AR: variants seen among roughly 807,000 people sequenced by gnomAD.
AR encodes androgen receptor, also known as dihydrotestosterone receptor.
Under a neutral mutation model 53.9 loss-of-function variants are expected in AR, and 8 were observed. The ratio of observed to expected loss-of-function variants is 0.15; its 90% CI spans 0.09 to 0.27. The LOEUF (loss-of-function observed/expected upper bound fraction) is 0.27, where lower values mean the gene tolerates loss of function less well. AR is among the 10% of genes least tolerant of loss of function. The pLI, the probability that AR is intolerant of heterozygous loss-of-function variation, is 1.00. For synonymous variants in AR, 359 were observed against 316.4 expected (o/e 1.13, Z -1.43); for missense variants, 639 against 742.5 (o/e 0.86, Z 1.62).
chrX:67,563,910 G>A (rs751363177), intron 1 of AR, among the ~76,000 whole-genome samples: 47 of 111,367 alleles, frequency 4.2e-4, no homozygotes, highest in African/African-American at 1.4e-3. Context: ...TAGTAACTCC[G>A]TTGCACATAT....
At chrX:67,669,023 T>C (rs1288188713) in intron 2 of AR, among the ~76,000 whole-genome samples, 1 of 111,804 alleles carries the variant, frequency 8.9e-6, no homozygotes, top group Non-Finnish European at 1.9e-5. Flanking sequence ...TGATCTTTTG[T>C]ATTATTTTTT....
chrX:67,707,425 G>A (rs917144033), intron 3 of AR, among the ~76,000 whole-genome samples: 2 of 111,400 alleles, frequency 1.8e-5, no homozygotes, highest in African/African-American at 6.5e-5. Context: ...ATCTTTGTTG[G>A]TTTAAAGTCT....
chrX:67,664,611 C>T (rs899449611), intron 2 of AR, among the ~76,000 whole-genome samples: 1 of 112,198 alleles, frequency 8.9e-6, no homozygotes, highest in African/African-American at 3.2e-5. Flanking sequence ...TCTCCAGCTG[C>T]ATACTGGGAG....
chrX:67,578,086 C>T (rs1364653113), intron 1 of AR, among the ~76,000 whole-genome samples: 1 of 111,506 alleles, frequency 9.0e-6, no homozygotes, highest in Non-Finnish European at 1.9e-5. Context: ...CCAAACTTAT[C>T]TGGGACAAGG....
At position 67,728,574 on chromosome X, in the gene AR, A is replaced by AAAATATAT. The variant is rs1468310714; in HGVS notation, c.*4734_*4735insAATATATA. 1 of 29,775 alleles carries AAAATATAT rather than the reference A, an allele frequency of 3.4e-5. No individual in the cohort carries two copies. The highest frequency in any genetic ancestry group is 1.4e-3 in the East Asian group (1 of 737). The allele number at this position is 29,775 out of a possible 1,213,427, so 2.5% of individuals were successfully genotyped here. A position where few individuals can be genotyped will look rare whatever the true frequency, so the allele number is the denominator to read the frequency against. ...ATTTGTATCCATGTTTCAAAATTGA[A>AAAATATAT]ATATATATATATATATATATATATA... On this transcript the variant is annotated 3_prime_UTR_variant, in exon 8 of 8. Transcript: ENST00000374690.
At chrX:67,697,682 C>G (rs749773754) in intron 3 of AR, among the ~76,000 whole-genome samples, 1 of 111,370 alleles carries the variant, frequency 9.0e-6, no homozygotes, top group South Asian at 3.8e-4. Context: ...CTCATTTCCT[C>G]CTAAAAATAG....
intron 1 of AR, among the ~76,000 whole-genome samples, chrX:67,591,836 C>A (rs1246387262): frequency 8.9e-6 from 1 of 111,827 alleles, no homozygotes; most frequent in Non-Finnish European, 1.9e-5. Context: ...CTGCTGACAT[C>A]ATTTGTAAAA....
chrX:67,697,059 C>G (rs1033149062), intron 3 of AR, among the ~76,000 whole-genome samples: 4 of 111,786 alleles, frequency 3.6e-5, no homozygotes, highest in Non-Finnish European at 7.5e-5. Flanking sequence ...TCCTTTTCTT[C>G]AAACAAAATT....
intron 4 of AR, among the ~76,000 whole-genome samples, chrX:67,712,989 A>T (rs73534104): frequency 2.7e-5 from 3 of 110,279 alleles, no homozygotes; most frequent in Non-Finnish European, 5.8e-5. Flanking sequence ...TGATTGGCCT[A>T]TAGTTACATA....
chrX:67,668,283 A>G (rs1006838316), intron 2 of AR, among the ~76,000 whole-genome samples: 1 of 111,877 alleles, frequency 8.9e-6, no homozygotes, highest in Non-Finnish European at 1.9e-5. Context: ...TAAAAATTGA[A>G]CTTTATCAAA....
intron 3 of AR, among the ~76,000 whole-genome samples, chrX:67,706,986 A>C (rs2076070966): frequency 8.9e-6 from 1 of 111,888 alleles, no homozygotes; most frequent in Non-Finnish European, 1.9e-5. Context: ...CCTGAGTTCC[A>C]GTTTGATTGC....
Position 67,702,457 on chromosome X carries a change from G to A in AR, c.1886-8945G>A, listed in dbSNP as rs748992102. ...TTCAGGCCTCTAACTCAAGAAGATG[G>A]TCTTGGCCCAGATCATACCTTGCAG... On this transcript the variant is annotated intron_variant, in intron 3 of 7. Transcript: ENST00000374690. 5.4e-5 allele frequency among the ~76,000 whole-genome samples: 6 copies of A among 112,091 alleles called. No homozygotes were observed. In the East Asian group the frequency reaches 1.4e-3, roughly 26 times the overall value.
At chrX:67,599,427 G>C (rs140583342) in intron 1 of AR, among the ~76,000 whole-genome samples, 1 of 112,035 alleles carries the variant, frequency 8.9e-6, no homozygotes, top group East Asian at 2.8e-4. Flanking sequence ...ACTTGATTGA[G>C]AAAGGCCATT....
rs2147531084 is a variant in AR at position 67,717,593 on chromosome X, C to T, written c.2289C>T (p.Leu763=). Reference sequence around the variant, plus strand: ...TCACCAATGTCAACTCCAGGATGCTCTACTTCGCCCCTGATCTGGTTTTCA... The same window carrying T: ...TCACCAATGTCAACTCCAGGATGCTTTACTTCGCCCCTGATCTGGTTTTCA... The part of the protein sequence containing the change: ...RSFTNVNSRM[L]YFAPDLVFNE... The change falls in exon 5 of 8, where the codon CTC becomes CTT. Residue 763 remains leucine, a synonymous_variant. Transcript: ENST00000374690. 1 of 1,212,253 alleles carries T rather than the reference C, an allele frequency of 8.2e-7. No homozygotes were observed. Among genetic ancestry groups the T allele is most frequent in the Non-Finnish European group, 1.1e-6 (1 of 895,626 alleles).
chrX:67,721,306 C>A (rs749792766), intron 5 of AR, among the ~76,000 whole-genome samples: 1 of 112,235 alleles, frequency 8.9e-6, no homozygotes, highest in East Asian at 2.8e-4. Context: ...TTCTAGTATT[C>A]CAGGCCAGAG....
chrX:67,707,288 G>T (rs1456979468), intron 3 of AR, among the ~76,000 whole-genome samples: 2 of 111,745 alleles, frequency 1.8e-5, no homozygotes, highest in African/African-American at 6.5e-5. Flanking sequence ...TCTCTTTGTA[G>T]GTCTCTAAGT....
At chrX:67,637,123 TAAAGTCTACCCTCATAACA>T (rs1479839678) in intron 1 of AR, among the ~76,000 whole-genome samples, 4 of 111,160 alleles carry the variant, frequency 3.6e-5, no homozygotes, top group African/African-American at 1.3e-4. Context: ...TAACACAACA[TAAAGTCTACCCTCATAACA>T]AAATTTAAGG....
At chrX:67,583,178 A>G (rs1170204457) in intron 1 of AR, among the ~76,000 whole-genome samples, 1 of 112,174 alleles carries the variant, frequency 8.9e-6, no homozygotes, top group Non-Finnish European at 1.9e-5. Flanking sequence ...GTTCCCAGCT[A>G]GAGGCCTGGG....
At chrX:67,709,316 T>A (rs1363691185) in intron 3 of AR, among the ~76,000 whole-genome samples, 1 of 112,244 alleles carries the variant, frequency 8.9e-6, no homozygotes, top group Admixed American at 9.4e-5. Flanking sequence ...CTGCTTTGTT[T>A]ACCTACTCAA....
Sources: allele counts gnomAD v4.1 joint callset (sites outside exome capture counted in the v4.1 genomes callset), GRCh38; gene constraint gnomAD v4.1.1; transcripts MANE v1.5; gene names NCBI Gene and HGNC (gene_info 2026-07-23, HGNC 2026-07-21).